Variants in SSH2 observed in about 807,000 individuals in gnomAD.
SSH2 encodes the protein protein phosphatase Slingshot homolog 2.
A neutral mutation model predicts 135.2 loss-of-function variants in SSH2; 37 were observed. That is an observed-to-expected ratio of 0.27 (90% CI 0.21 to 0.36). The LOEUF is 0.36. Ranked by LOEUF, SSH2 falls within the 10% of genes least tolerant of loss-of-function variation. The pLI is 1.00. For synonymous variants in SSH2, 628 were observed against 646.2 expected (o/e 0.97, Z 0.43); for missense variants, 1,408 against 1,765.3 (o/e 0.80, Z 3.63).
intron 1 of SSH2, among the ~76,000 whole-genome samples, chr17:29,852,633 C>A (rs867902022): frequency 3.3e-5 from 5 of 151,610 alleles, no homozygotes; most frequent in South Asian, 2.1e-4. Context: ...CTCTCTGCAA[C>A]CTCCGCCTCC....
intron 3 of SSH2, among the ~76,000 whole-genome samples, chr17:29,718,107 A>G (rs910060760): frequency 1.3e-5 from 2 of 152,142 alleles, no homozygotes; most frequent in African/African-American, 4.8e-5. Context: ...TGCCTGTAAA[A>G]TCCAATGAAC....
intron 14 of SSH2, chr17:29,645,346 C>G (rs1020414712): frequency 1.3e-5 from 2 of 152,004 alleles, no homozygotes; most frequent in African/African-American, 4.8e-5. Flanking sequence ...GTCCCTCCCT[C>G]CATGAATCAA....
intron 1 of SSH2, among the ~76,000 whole-genome samples, chr17:29,907,467 G>A (rs775594194): frequency 7.2e-5 from 11 of 152,084 alleles, no homozygotes; most frequent in Non-Finnish European, 1.3e-4. Flanking sequence ...GTTTACTTAT[G>A]TAACAAACCT....
intron 1 of SSH2, among the ~76,000 whole-genome samples, chr17:29,879,377 T>G (rs901278372): frequency 3.3e-5 from 5 of 151,710 alleles, no homozygotes; most frequent in African/African-American, 4.8e-5. Context: ...TCTGCTGTTT[T>G]TTTTTTTTTT....
intron 12 of SSH2, among the ~76,000 whole-genome samples, chr17:29,652,326 G>A (rs926321673): frequency 3.3e-5 from 5 of 152,198 alleles, no homozygotes; most frequent in African/African-American, 4.8e-5. Flanking sequence ...CAAAACAGCC[G>A]AAGAGTGGCT....
chr17:29,632,720 T>A lies in SSH2; in HGVS notation c.2474A>T (p.Asn825Ile), dbSNP rs1440156200. ...ATCTTGCTCCATATGTCCAGGTTTG[T>A]TCTCTGGAGTCTGGGCCCTCTCAAG... ...LLLERAQTPE[N>I]KPGHMEQDED... The change falls in exon 16 of 16, where the codon AAC becomes ATC. Residue 825 changes from asparagine to isoleucine, a missense_variant. Around this residue, in one of 3 missense-constraint regions of SSH2, gnomAD observed 1,080 missense variants for 1,144.5 expected, o/e 0.94. Coordinates refer to ENST00000540801, the MANE Select transcript of SSH2 (RefSeq NM_001282129.2). The A allele has an allele frequency of 6.2e-7, 1 of 1,614,176 alleles. No homozygotes were observed.
chr17:29,803,063 G>C (rs990648338), intron 2 of SSH2, among the ~76,000 whole-genome samples: 14 of 152,240 alleles, frequency 9.2e-5, no homozygotes, highest in African/African-American at 3.1e-4. Flanking sequence ...AAACACACAG[G>C]CTTGAGGAGG....
intron 9 of SSH2, among the ~76,000 whole-genome samples, chr17:29,669,573 T>C (rs1162202965): frequency 6.6e-6 from 1 of 152,184 alleles, no homozygotes; most frequent in African/African-American, 2.4e-5. Context: ...GAGAAAAATT[T>C]GGAAAATACA....
chr17:29,823,077 TA>T (rs1441215293), intron 2 of SSH2, among the ~76,000 whole-genome samples: 3 of 152,088 alleles, frequency 2.0e-5, no homozygotes, highest in Non-Finnish European at 4.4e-5. Context: ...AAAATTAAAA[TA>T]AAAAACATCT....
intron 2 of SSH2, among the ~76,000 whole-genome samples, chr17:29,813,735 T>G (rs1422287030): frequency 6.7e-6 from 1 of 149,082 alleles, no homozygotes; most frequent in African/African-American, 2.5e-5. Context: ...GGAGAATCGC[T>G]TGAACCCGGG....
At chr17:29,738,886 G>A (rs2040465290) in intron 3 of SSH2, among the ~76,000 whole-genome samples, 1 of 152,138 alleles carries the variant, frequency 6.6e-6, no homozygotes, top group Admixed American at 6.5e-5. Flanking sequence ...TGTAAGATGA[G>A]AGGAAAAAAT....
intron 9 of SSH2, 32 bp from the exon 10 acceptor site, chr17:29,667,255 A>T: frequency 7.6e-7 from 1 of 1,313,862 alleles, no homozygotes; most frequent in Non-Finnish European, 1.1e-6. Flanking sequence ...TTATTCTTAA[A>T]CGATATTCTT....
At chr17:29,784,585 C>A (rs2041920445) in intron 3 of SSH2, among the ~76,000 whole-genome samples, 1 of 131,700 alleles carries the variant, frequency 7.6e-6, no homozygotes, top group South Asian at 2.3e-4. Context: ...GGTGACAGAG[C>A]TAGACTCCTT....
At chr17:29,899,740 C>G (rs886522590) in intron 1 of SSH2, among the ~76,000 whole-genome samples, 1 of 152,282 alleles carries the variant, frequency 6.6e-6, no homozygotes, top group East Asian at 1.9e-4. Flanking sequence ...CCATCCTGAT[C>G]AAGCTATCAA....
chr17:29,921,924 G>A (rs539502541), intron 1 of SSH2, among the ~76,000 whole-genome samples: 7 of 152,246 alleles, frequency 4.6e-5, no homozygotes, highest in African/African-American at 1.7e-4. Flanking sequence ...TAGGTTAGTG[G>A]GGGAGATAAG....
chr17:29,652,036 G>A (rs897756649), intron 12 of SSH2, among the ~76,000 whole-genome samples: 4 of 152,122 alleles, frequency 2.6e-5, no homozygotes, highest in African/African-American at 9.7e-5. Context: ...CAGCTACTTG[G>A]GAGGCTGAGG....
At chr17:29,895,656 TTATA>T (rs2066435053) in intron 1 of SSH2, among the ~76,000 whole-genome samples, 1 of 110,766 alleles carries the variant, frequency 9.0e-6, no homozygotes, top group African/African-American at 4.4e-5. Context: ...TATACACATT[TTATA>T]TATGAAATAT....
rs1314364987 is a variant in SSH2, at chr17:29,632,187, T to C, written c.3007A>G (p.Thr1003Ala). ...AGGACTCCTTCCTGCTGTGTTCCAG[T>C]ATCTGACCCTGGGCCCTCCTGAGGA... ...PDPQEGPGSD[T>A]GTQQEGVLKD... The change falls in exon 16 of 16, where the codon ACT becomes GCT. Residue 1003 changes from threonine to alanine, a missense_variant. Physicochemically the swap from Thr to Ala is moderately conservative, Grantham distance 58. This residue lies in a region of SSH2 where 1,080 missense variants were observed against 1,144.5 expected (regional missense o/e 0.94). Transcript: ENST00000540801. 1 of 1,614,040 alleles carries C rather than the reference T, an allele frequency of 6.2e-7. No individual in the cohort carries two copies. The highest frequency in any genetic ancestry group is 8.5e-7 in the Non-Finnish European group (1 of 1,179,988).
intron 2 of SSH2, among the ~76,000 whole-genome samples, chr17:29,809,731 A>T (rs1421923906): frequency 6.6e-6 from 1 of 151,950 alleles, no homozygotes; most frequent in African/African-American, 2.4e-5. Flanking sequence ...CATTAAAAAA[A>T]ATTTTTTTTA....
Sources: allele counts gnomAD v4.1 joint callset (sites outside exome capture counted in the v4.1 genomes callset), GRCh38; gene constraint gnomAD v4.1.1; regional missense constraint gnomAD v4.1.1; transcripts MANE v1.5; gene names NCBI Gene and HGNC (gene_info 2026-07-23, HGNC 2026-07-21).